PNPLA6: variants seen among roughly 807,000 people sequenced by gnomAD.
PNPLA6 encodes the protein patatin-like phospholipase domain-containing protein 6.
Under a neutral mutation model 153.7 loss-of-function variants are expected in PNPLA6, and 105 were observed. The observed-to-expected ratio is 0.68, with a 90% CI of 0.58 to 0.80. PNPLA6 has a LOEUF of 0.80. Among genes scored for constraint, PNPLA6 ranks in the 30% least tolerant of loss-of-function variants. The probability of loss-of-function intolerance (pLI) is 0.00; values close to 1 mark genes in which losing one functional copy is unlikely to be tolerated. For missense variants in PNPLA6, 1,423 were observed against 1,919.3 expected (o/e 0.74, Z 4.83); for synonymous variants, 825 against 822.2 (o/e 1.00, Z -0.06).
intron 18 of PNPLA6, 86 bp downstream of exon 18, chr19:7,551,523 A>G (rs1474324671): frequency 8.7e-7 from 1 of 1,150,042 alleles, no homozygotes; most frequent in Non-Finnish European, 1.3e-6. Flanking sequence ...TTCCTGAGGG[A>G]TGCTGGGAAA....
intron 24 of PNPLA6, 29 bp from the exon 25 acceptor site, chr19:7,556,423 AT>A (rs1568421402): frequency 7.2e-7 from 1 of 1,382,532 alleles, no homozygotes; most frequent in Non-Finnish European, 1.0e-6. Flanking sequence ...TGTAACTCCT[AT>A]TTGACCCTGT....
Position 7,550,445 on chromosome 19 carries a change from C to A in PNPLA6, c.1946+16C>A. 6.2e-7 allele frequency: 1 copy of A among 1,611,722 alleles called. No individual in the cohort carries two copies. The highest frequency in any genetic ancestry group is 1.1e-5 in the South Asian group (1 of 91,052). On this transcript the variant is annotated intron_variant, in intron 15 of 31. Transcript: ENST00000600737. ...CGCTGTACAGGTGCAGCTCCCACCG[C>A]GCTGCTCAGGCCCGGCCTAGGGGTG...
chr19:7,537,139 C>T (rs1295968118), intron 3 of PNPLA6, among the ~76,000 whole-genome samples: 1 of 151,992 alleles, frequency 6.6e-6, no homozygotes, highest in African/African-American at 2.4e-5. Flanking sequence ...GAGGTCTTGC[C>T]ATATACTTAG....
intron 13 of PNPLA6, among the ~76,000 whole-genome samples, chr19:7,548,405 CAA>C (rs111556976): frequency 2.8e-5 from 4 of 145,222 alleles, no homozygotes; most frequent in African/African-American, 5.1e-5. Flanking sequence ...AAAAAAATCG[CAA>C]AAAAAAAAAA....
intron 13 of PNPLA6, 41 bp from the exon 14 acceptor site, chr19:7,549,866 C>A (rs763556532): frequency 6.3e-7 from 1 of 1,593,370 alleles, no homozygotes; most frequent in African/African-American, 1.3e-5. Context: ...GGGGTCCACG[C>A]TGTCCGGGTT....
chr19:7,550,071 C>T lies in PNPLA6; in HGVS notation c.1773C>T (p.Arg591=), dbSNP rs769077760. ...EPLIFTLRAQ[R]DCTFLRISKS... is the part of the protein sequence containing the mutation. The stretch of plus-strand genomic sequence containing the variant: ...TCATCTTCACACTGCGAGCCCAACG[C>T]GACTGCACCTTCCTGCGGATCTCCA... Residue 591 remains arginine, a synonymous_variant, in exon 14 of 32, where the codon CGC becomes CGT. Coordinates refer to ENST00000600737, the MANE Select transcript of PNPLA6 (RefSeq NM_001166114.2). 1.4e-5 allele frequency: 22 copies of T among 1,613,982 alleles called. No individual in the cohort carries two copies. Among genetic ancestry groups the T allele is most frequent in the Admixed American group, 1.7e-5 (1 of 60,008 alleles).
chr19:7,553,968 C>A lies in PNPLA6; in HGVS notation c.2354C>A (p.Pro785His). 1.2e-6 allele frequency: 2 copies of A among 1,614,190 alleles called. No individual in the cohort carries two copies. Among genetic ancestry groups the A allele is most frequent in the Non-Finnish European group, 1.7e-6 (2 of 1,180,032 alleles). Reference protein sequence around the residue: ...VAILPVCAEVPMVAFTLELQH... With the variant: ...VAILPVCAEVHMVAFTLELQH... ...ATCCTGCCTGTGTGTGCTGAGGTCC[C>A]CATGGTGGCCTTCACGCTGGAGCTG... Residue 785 changes from proline to histidine, a missense_variant, in exon 19 of 32, where the codon CCC becomes CAC. Coordinates refer to ENST00000600737, the MANE Select transcript of PNPLA6 (RefSeq NM_001166114.2).
In PNPLA6 at chr19:7,555,601, C is replaced by T. The variant is rs200932494; in HGVS notation, c.2937-6C>T. On this transcript the variant is annotated splice_polypyrimidine_tract_variant and splice_region_variant and intron_variant, in intron 23 of 31. Transcript: ENST00000600737. The surrounding 1 kb of genome is among the most constrained non-coding windows in gnomAD (Gnocchi z 6.3). Reference sequence around the variant, plus strand: ...AGCGGGTCACTGGGGCCCATTTTCCCGGCAGGGGCTGCTCGCACATCGGAG... The same window carrying T: ...AGCGGGTCACTGGGGCCCATTTTCCTGGCAGGGGCTGCTCGCACATCGGAG... The T allele has an allele frequency of 3.5e-4, 564 of 1,610,988 alleles. 1 individual carries two copies. The African/African-American group carries it at 6.6e-3, about 19-fold the overall frequency.
rs370904772 is a variant in PNPLA6 at position 7,541,342 on chromosome 19, C to T, written c.925-12C>T. ...CGCCCCATCTTATGGCCACGCCCCT[C>T]GAGCCCTGCAGATCATCATGGTGCG... On this transcript the variant is annotated splice_polypyrimidine_tract_variant and intron_variant, in intron 7 of 31. Coordinates refer to ENST00000600737, the MANE Select transcript of PNPLA6 (RefSeq NM_001166114.2). The surrounding 1 kb of genome is among the most constrained non-coding windows in gnomAD (Gnocchi z 5.2). The T allele has an allele frequency of 3.4e-4, 541 of 1,612,400 alleles. 1 individual carries two copies. Among genetic ancestry groups the T allele is most frequent in the South Asian group, 1.3e-3 (120 of 90,976 alleles).
chr19:7,560,637 A>G lies in PNPLA6; in HGVS notation c.3700-11A>G. On this transcript the variant is annotated splice_polypyrimidine_tract_variant and intron_variant, in intron 28 of 31. Transcript: ENST00000600737. ...GTTGCAGACATGGACCCAGCCCCTCATTTCCCACAGGATGTGGGCTACCAG... is the reference window on the plus strand; with the variant it reads ...GTTGCAGACATGGACCCAGCCCCTCGTTTCCCACAGGATGTGGGCTACCAG... The G allele has an allele frequency of 1.9e-6, 3 of 1,585,880 alleles. No individual in the cohort carries two copies. The highest frequency in any genetic ancestry group is 1.7e-6 in the Non-Finnish European group (2 of 1,154,262).
chr19:7,541,248 C>A lies in PNPLA6; in HGVS notation c.925-106C>A. 8.6e-7 allele frequency: 1 copy of A among 1,161,352 alleles called. No individual in the cohort carries two copies. The highest frequency in any genetic ancestry group is 1.3e-6 in the Non-Finnish European group (1 of 796,594). The allele number at this position is 1,161,352 out of a possible 1,614,324, so 71.9% of individuals were successfully genotyped here. On this transcript the variant is annotated intron_variant, in intron 7 of 31. Coordinates refer to ENST00000600737, the MANE Select transcript of PNPLA6 (RefSeq NM_001166114.2). This position sits in a 1 kb window ranked among gnomAD's most constrained non-coding sequence, Gnocchi z 5.2. ...CCATTTCCCCAGACTGTGGGTCTCT[C>A]CCTGGTTCCCGCCCGACCCCTTATG...
chr19:7,558,584 A>G (rs2023981097), intron 27 of PNPLA6, among the ~76,000 whole-genome samples: 2 of 152,146 alleles, frequency 1.3e-5, no homozygotes, highest in Non-Finnish European at 2.9e-5. Flanking sequence ...TCGAGCCCAG[A>G]TCGTGCCATT....
In PNPLA6 at chr19:7,555,158, T is replaced by C. The variant is rs2023816811; in HGVS notation, c.2817+83T>C. Reference sequence around the variant, plus strand: ...AGACTGGGGCGGGGCCTGGGAGGGCTGAGGACAGGCTCGAAGGTCAGGGTA... The same window carrying C: ...AGACTGGGGCGGGGCCTGGGAGGGCCGAGGACAGGCTCGAAGGTCAGGGTA... On this transcript the variant is annotated intron_variant, in intron 22 of 31. Transcript: ENST00000600737. The surrounding 1 kb of genome is among the most constrained non-coding windows in gnomAD (Gnocchi z 6.3). 4 of 1,524,414 alleles carry C rather than the reference T, an allele frequency of 2.6e-6. No homozygotes were observed. In the East Asian group the frequency reaches 9.4e-5, roughly 36 times the overall value. The allele number at this position is 1,524,414 out of a possible 1,614,324, so 94.4% of individuals were successfully genotyped here.
chr19:7,551,315 A>G, intron 17 of PNPLA6, 47 bp from the exon 18 acceptor site: 1 of 1,577,392 alleles, frequency 6.3e-7, no homozygotes, highest in African/African-American at 1.3e-5. Flanking sequence ...GGACCTGGAC[A>G]GCCGCTTCCC....
At position 7,555,914 on chromosome 19, in the gene PNPLA6, A is replaced by T; in HGVS notation, c.3093+151A>T. ...CCCAGCTGTCCGGACTTTTATAGAT[A>T]AGCTTCTAGGACTCTGGGTAACCAC... is the stretch of plus-strand genomic sequence containing the variant. On this transcript the variant is annotated intron_variant, in intron 24 of 31. Coordinates refer to ENST00000600737, the MANE Select transcript of PNPLA6 (RefSeq NM_001166114.2). This position sits in a 1 kb window ranked among gnomAD's most constrained non-coding sequence, Gnocchi z 6.3. 1.2e-6 allele frequency: 1 copy of T among 853,156 alleles called. No homozygotes were observed. The highest frequency in any genetic ancestry group is 1.9e-6 in the Non-Finnish European group (1 of 532,248). The allele number at this position is 853,156 out of a possible 1,614,324, so 52.8% of individuals were successfully genotyped here. A position where few individuals can be genotyped will look rare whatever the true frequency, so the allele number is the denominator to read the frequency against.
rs1298500954 is a variant in PNPLA6, at chr19:7,555,209, C to T, written c.2818-40C>T. 1 of 1,545,574 alleles carries T rather than the reference C, an allele frequency of 6.5e-7. No homozygotes were observed. The highest frequency in any genetic ancestry group is 1.2e-5 in the South Asian group (1 of 86,384). On this transcript the variant is annotated intron_variant, in intron 22 of 31. Coordinates refer to ENST00000600737, the MANE Select transcript of PNPLA6 (RefSeq NM_001166114.2). The surrounding 1 kb of genome is among the most constrained non-coding windows in gnomAD (Gnocchi z 6.3). Reference sequence around the variant, plus strand: ...CCCCTGGGGGATCCGCCGGACCCCGCCCTCATGCTCCTGGGTCGCGACTAT... The same window carrying T: ...CCCCTGGGGGATCCGCCGGACCCCGTCCTCATGCTCCTGGGTCGCGACTAT...
At chr19:7,560,828 A>G in intron 29 of PNPLA6, 64 bp downstream of exon 29, 1 of 1,150,596 alleles carries the variant, frequency 8.7e-7, no homozygotes, top group Non-Finnish European at 1.3e-6. Context: ...AGCCCCCTTA[A>G]AGTCTCCCCG....
chr19:7,535,576 T>C, upstream of PNPLA6: 5 of 1,604,722 alleles, frequency 3.1e-6, no homozygotes, highest in Middle Eastern at 1.7e-4. The surrounding 1 kb of genome is among the most constrained non-coding windows in gnomAD (Gnocchi z 5.0). Flanking sequence ...CAAACTGGAA[T>C]GGTAAGGGGT....
intron 26 of PNPLA6, 199 bp from the exon 27 acceptor site, chr19:7,556,969 G>A (rs2023906476): frequency 1.4e-6 from 1 of 706,270 alleles, no homozygotes; most frequent in Non-Finnish European, 2.6e-6. Flanking sequence ...CCCGCAGGCT[G>A]TGTGTGGCGT....
Sources: allele counts gnomAD v4.1 joint callset (sites outside exome capture counted in the v4.1 genomes callset), GRCh38; gene constraint gnomAD v4.1.1; non-coding constraint Gnocchi (gnomAD v3.1); transcripts MANE v1.5; gene names NCBI Gene and HGNC (gene_info 2026-07-23, HGNC 2026-07-21).